Variants in GRM7 observed in about 807,000 individuals in gnomAD.
The protein encoded by GRM7 is metabotropic glutamate receptor 7.
Under a neutral mutation model 84.5 loss-of-function variants are expected in GRM7, and 35 were observed. That is an observed-to-expected ratio of 0.41 (90% CI 0.32 to 0.55). The LOEUF (loss-of-function observed/expected upper bound fraction) is 0.55. Ranked by LOEUF, GRM7 falls within the 20% of genes least tolerant of loss-of-function variation. The pLI, the probability that GRM7 is intolerant of heterozygous loss-of-function variation, is 0.19. For synonymous variants in GRM7, 487 were observed against 455.1 expected (o/e 1.07, Z -0.89); for missense variants, 1,003 against 1,194.6 (o/e 0.84, Z 2.36).
At chr3:7,118,890 T>C (rs767000910) in intron 1 of GRM7, among the ~76,000 whole-genome samples, 1 of 152,176 alleles carries the variant, frequency 6.6e-6, no homozygotes, top group African/African-American at 2.4e-5. Flanking sequence ...TTACACTGTG[T>C]CCTACTTAGG....
At chr3:6,886,096 TGTGTGTGTGTGTGG>T (rs1174057746) in intron 1 of GRM7, among the ~76,000 whole-genome samples, 3 of 25,018 alleles carry the variant, frequency 1.2e-4, no homozygotes, top group Non-Finnish European at 2.6e-4. Flanking sequence ...TAGTTACCAT[TGTGTGTGTGTGTGG>T]GTGTGTGTGT....
intron 1 of GRM7, among the ~76,000 whole-genome samples, chr3:7,004,285 C>G (rs2124882215): frequency 6.6e-6 from 1 of 152,100 alleles, no homozygotes; most frequent in Admixed American, 6.6e-5. Flanking sequence ...ATTTTTTAAA[C>G]ACAAGAATTA....
At chr3:7,193,116 A>T (rs1695769140) in intron 2 of GRM7, among the ~76,000 whole-genome samples, 1 of 152,146 alleles carries the variant, frequency 6.6e-6, no homozygotes, top group Admixed American at 6.6e-5. Flanking sequence ...TAATTCCTAT[A>T]CCAGTACCTC....
At chr3:7,061,395 T>A (rs1499145) in intron 1 of GRM7, among the ~76,000 whole-genome samples, 40,191 of 151,600 alleles carry the variant, frequency 0.27, 6,100 homozygotes, top group African/African-American at 0.41. Flanking sequence ...GTAGGATATT[T>A]ACATTGCCCT....
At chr3:7,098,693 T>C (rs1048971882) in intron 1 of GRM7, among the ~76,000 whole-genome samples, 1 of 151,994 alleles carries the variant, frequency 6.6e-6, no homozygotes, top group African/African-American at 2.4e-5. Flanking sequence ...TTAAGAAATA[T>C]TTTTCGGTGC....
rs978537375 is a variant in GRM7, at chr3:7,557,776, T to C, written c.1516-20646T>C. On this transcript the variant is annotated intron_variant, in intron 7 of 9. Coordinates refer to ENST00000357716, the MANE Select transcript of GRM7 (RefSeq NM_000844.4). ...AAAATTATTAAAAATAAATTCTGAA[T>C]GGAGGCACGAAAATGTAAATCCCCT... Among the ~76,000 whole-genome samples the C allele has an allele frequency of 2.0e-5, 3 of 152,306 alleles. No homozygotes were observed. The South Asian group carries it at 6.2e-4, about 32-fold the overall frequency.
At chr3:7,661,002 T>G (rs903235904) in intron 8 of GRM7, among the ~76,000 whole-genome samples, 1 of 152,200 alleles carries the variant, frequency 6.6e-6, no homozygotes, top group African/African-American at 2.4e-5. Context: ...AAACCTAAAC[T>G]ATAAAACTTC....
At chr3:7,140,234 G>C (rs1190818188) in intron 1 of GRM7, among the ~76,000 whole-genome samples, 1 of 152,060 alleles carries the variant, frequency 6.6e-6, no homozygotes, top group Non-Finnish European at 1.5e-5. Flanking sequence ...TCTCATGAGA[G>C]AGAGTGAGAA....
Position 7,482,670 on chromosome 3 carries a change from G to A in GRM7, c.1515+20948G>A, listed in dbSNP as rs116825310. On this transcript the variant is annotated intron_variant, in intron 7 of 9. Coordinates refer to ENST00000357716, the MANE Select transcript of GRM7 (RefSeq NM_000844.4). ...TTGTGAAAGACCCTCTATAGCAAAT[G>A]TGGGTGACTCTGTTCTTTCCTGGAA... is the stretch of plus-strand genomic sequence containing the variant. Among the ~76,000 whole-genome samples the A allele has an allele frequency of 2.1e-3, 317 of 152,306 alleles. 1 individual carries two copies. The highest frequency in any genetic ancestry group is 7.3e-3 in the African/African-American group (303 of 41,580).
intron 2 of GRM7, among the ~76,000 whole-genome samples, chr3:7,261,201 T>C (rs1222238439): frequency 2.0e-5 from 3 of 152,170 alleles, no homozygotes; most frequent in Non-Finnish European, 4.4e-5. Context: ...GACTGCAACA[T>C]AGTTACCTAG....
At chr3:7,653,472 A>G (rs1023606054) in intron 8 of GRM7, among the ~76,000 whole-genome samples, 1 of 152,112 alleles carries the variant, frequency 6.6e-6, no homozygotes, top group Non-Finnish European at 1.5e-5. Context: ...TCTGAGGGTC[A>G]TGTCTACTCT....
chr3:6,879,368 A>C (rs759543143), intron 1 of GRM7, among the ~76,000 whole-genome samples: 3 of 152,220 alleles, frequency 2.0e-5, no homozygotes, highest in Non-Finnish European at 4.4e-5. Flanking sequence ...GATTAGATCA[A>C]GGGAATCACA....
intron 8 of GRM7, among the ~76,000 whole-genome samples, chr3:7,662,511 T>C (rs900833529): frequency 6.6e-6 from 1 of 152,212 alleles, no homozygotes; most frequent in Non-Finnish European, 1.5e-5. Context: ...AAAAATCATA[T>C]GAGACATTTT....
At chr3:6,878,846 A>C (rs1409979209) in intron 1 of GRM7, among the ~76,000 whole-genome samples, 1 of 152,188 alleles carries the variant, frequency 6.6e-6, no homozygotes, top group Non-Finnish European at 1.5e-5. Context: ...TAAAACACAC[A>C]TTGTTGGGCT....
At chr3:7,005,989 C>A (rs1019862669) in intron 1 of GRM7, among the ~76,000 whole-genome samples, 1 of 152,158 alleles carries the variant, frequency 6.6e-6, no homozygotes, top group East Asian at 1.9e-4. Flanking sequence ...TAGCCAAACT[C>A]ATTCAAACCA....
intron 2 of GRM7, among the ~76,000 whole-genome samples, chr3:7,220,273 C>T (rs1482648350): frequency 6.6e-6 from 1 of 152,172 alleles, no homozygotes; most frequent in African/African-American, 2.4e-5. Context: ...ACCTGACAAA[C>T]ACTATCTCAG....
chr3:6,912,221 C>T (rs1421283836), intron 1 of GRM7, among the ~76,000 whole-genome samples: 1 of 152,102 alleles, frequency 6.6e-6, no homozygotes, highest in African/African-American at 2.4e-5. Context: ...TTGGGAAATG[C>T]TGCATTAGAT....
At chr3:7,587,719 C>G (rs996655656) in intron 8 of GRM7, among the ~76,000 whole-genome samples, 1 of 152,018 alleles carries the variant, frequency 6.6e-6, no homozygotes, top group African/African-American at 2.4e-5. Context: ...GAAATTTTAC[C>G]CTGGGAAGAT....
At chr3:7,167,686 C>T (rs1178805215) in intron 2 of GRM7, among the ~76,000 whole-genome samples, 1 of 152,064 alleles carries the variant, frequency 6.6e-6, no homozygotes, top group Middle Eastern at 3.2e-3. Flanking sequence ...AAAAAGAATG[C>T]AGGCCGGGCA....
Sources: allele counts gnomAD v4.1 joint callset (sites outside exome capture counted in the v4.1 genomes callset), GRCh38; gene constraint gnomAD v4.1.1; transcripts MANE v1.5; gene names NCBI Gene and HGNC (gene_info 2026-07-23, HGNC 2026-07-21).